Variants in ATP2B2 observed in about 807,000 individuals in gnomAD.
ATP2B2 encodes the protein ATPase plasma membrane Ca2+ transporting 2, also known as plasma membrane calcium-transporting ATPase 2.
ATP2B2 carries 15 observed loss-of-function variants against 120.0 expected under a neutral mutation model. The ratio of observed to expected loss-of-function variants is 0.12; its 90% CI spans 0.08 to 0.19. The LOEUF is 0.19. ATP2B2 is among the 10% of genes least tolerant of loss of function. The pLI, the probability that ATP2B2 is intolerant of heterozygous loss-of-function variation, is 1.00. For synonymous variants in ATP2B2, 694 were observed against 700.3 expected, an observed-to-expected ratio of 0.99 and a Z score of 0.14; for missense variants, 1,045 against 1,719.8, an observed-to-expected ratio of 0.61 and a Z score of 6.94.
At chr3:10,638,145 T>C (rs1427975149) in intron 1 of ATP2B2, among the ~76,000 whole-genome samples, 1 of 152,142 alleles carries the variant, frequency 6.6e-6, no homozygotes, top group African/African-American at 2.4e-5. Flanking sequence ...TTAAAGCAAG[T>C]CTTTCAGACA....
At chr3:10,633,815 G>A (rs966592655) in intron 1 of ATP2B2, among the ~76,000 whole-genome samples, 9 of 152,128 alleles carry the variant, frequency 5.9e-5, no homozygotes, top group African/African-American at 2.2e-4. Context: ...AGCCTGTATT[G>A]GCTGTCCCCC....
intron 1 of ATP2B2, among the ~76,000 whole-genome samples, chr3:10,623,352 C>T (rs977362086): frequency 2.0e-5 from 3 of 152,188 alleles, no homozygotes; most frequent in Non-Finnish European, 4.4e-5. Flanking sequence ...GCCACCGTGC[C>T]TAATTGGTGA....
At chr3:10,432,454 A>G (rs1241911545) in intron 2 of ATP2B2, among the ~76,000 whole-genome samples, 1 of 152,268 alleles carries the variant, frequency 6.6e-6, no homozygotes, top group African/African-American at 2.4e-5. Flanking sequence ...TGGCAGTTCT[A>G]GATCAAACAG....
At chr3:10,393,257 C>T (rs1317122) in intron 5 of ATP2B2, among the ~76,000 whole-genome samples, 47,612 of 152,032 alleles carry the variant, frequency 0.31, 8,262 homozygotes, top group East Asian at 0.69. Flanking sequence ...GCGGGCGGGC[C>T]GGGCCAAAGC....
chr3:10,432,174 C>T (rs2063336261), intron 2 of ATP2B2, among the ~76,000 whole-genome samples: 1 of 152,360 alleles, frequency 6.6e-6, no homozygotes, highest in South Asian at 2.1e-4. Context: ...CAGTGCATGG[C>T]CTCGGGCACA....
chr3:10,631,441 C>A (rs565407130), intron 1 of ATP2B2, among the ~76,000 whole-genome samples: 71 of 152,358 alleles, frequency 4.7e-4, no homozygotes, highest in African/African-American at 1.5e-3. Flanking sequence ...GGTGACATGA[C>A]TTGCTCAAGG....
In ATP2B2 at chr3:10,375,473, C is replaced by T; in HGVS notation, c.1373G>A (p.Gly458Glu). 1 of 1,613,094 alleles carries T rather than the reference C, an allele frequency of 6.2e-7. No individual in the cohort carries two copies. Among genetic ancestry groups the T allele is most frequent in the Non-Finnish European group, 8.5e-7 (1 of 1,179,966 alleles). The change falls in exon 11 of 23, where the codon GGG (glycine) becomes GAG (glutamate). Residue 458 changes from glycine to glutamate, a missense_variant. Physicochemically the swap from Gly to Glu is moderately conservative, Grantham distance 98. Around this residue, in one of 11 missense-constraint regions of ATP2B2, gnomAD observed 343 missense variants for 536.8 expected, o/e 0.64. Coordinates refer to ENST00000360273, the MANE Select transcript of ATP2B2 (RefSeq NM_001001331.4). This position sits in a 1 kb window ranked among gnomAD's most constrained non-coding sequence, Gnocchi z 4.2. The stretch of plus-strand genomic sequence containing the variant: ...CGAGATGGTGACGGCCAGAGGGAGC[C>T]CCTCGGGCACGGCGACCACCAGCAC... Reference protein sequence around the residue: ...VTVLVVAVPEGLPLAVTISLA... With the variant: ...VTVLVVAVPEELPLAVTISLA...
intron 1 of ATP2B2, among the ~76,000 whole-genome samples, chr3:10,688,103 C>T (rs1034716996): frequency 2.0e-4 from 30 of 152,250 alleles, no homozygotes; most frequent in Admixed American, 1.8e-3. Context: ...TTTCCATTTT[C>T]CAGGTGAGAA....
intron 1 of ATP2B2, among the ~76,000 whole-genome samples, chr3:10,466,970 G>T (rs2064770989): frequency 6.6e-6 from 1 of 152,202 alleles, no homozygotes; most frequent in Non-Finnish European, 1.5e-5. Flanking sequence ...CATTGGGCAA[G>T]CCTGGTAATG....
intron 1 of ATP2B2, among the ~76,000 whole-genome samples, chr3:10,494,284 C>T (rs1202990274): frequency 6.6e-6 from 1 of 152,190 alleles, no homozygotes; most frequent in African/African-American, 2.4e-5. Context: ...GATTCCCTTG[C>T]ATCAGGCATG....
At chr3:10,379,114 C>G in intron 9 of ATP2B2, 129 bp downstream of exon 9, 2 of 1,118,098 alleles carry the variant, frequency 1.8e-6, no homozygotes, top group South Asian at 2.6e-5. Flanking sequence ...CCCCCAAGGT[C>G]GTCAGACACC....
intron 2 of ATP2B2, among the ~76,000 whole-genome samples, chr3:10,574,397 A>G (rs1202702151): frequency 6.6e-6 from 1 of 152,098 alleles, no homozygotes; most frequent in Non-Finnish European, 1.5e-5. Flanking sequence ...CTTTCCCTAG[A>G]GCAGAATCAT....
chr3:10,511,570 G>A (rs775339187), intron 3 of ATP2B2, among the ~76,000 whole-genome samples: 5 of 152,160 alleles, frequency 3.3e-5, no homozygotes, highest in Admixed American at 1.3e-4. Context: ...TTCCTGAGCT[G>A]TCAATGAATG....
chr3:10,426,872 T>A (rs1170421844), intron 2 of ATP2B2, among the ~76,000 whole-genome samples: 2 of 9,344 alleles, frequency 2.1e-4, no homozygotes, highest in African/African-American at 4.8e-4. Flanking sequence ...GAGGGTGGGG[T>A]GGGGGTGGGG....
chr3:10,523,000 A>T (rs1352536565), intron 3 of ATP2B2, among the ~76,000 whole-genome samples: 3 of 152,224 alleles, frequency 2.0e-5, no homozygotes, highest in Non-Finnish European at 4.4e-5. Flanking sequence ...TCCACAGCTG[A>T]TAGATGCACT....
intron 5 of ATP2B2, among the ~76,000 whole-genome samples, chr3:10,398,563 T>A (rs9872350): frequency 6.6e-6 from 1 of 152,064 alleles, no homozygotes; most frequent in Non-Finnish European, 1.5e-5. Context: ...TGCTGAGACA[T>A]GGAATGCCTT....
intron 2 of ATP2B2, among the ~76,000 whole-genome samples, chr3:10,535,723 T>C (rs2067300333): frequency 6.6e-6 from 1 of 152,178 alleles, no homozygotes; most frequent in South Asian, 2.1e-4. Flanking sequence ...TATTGTTGGG[T>C]AGTATTCCCT....
upstream of ATP2B2, among the ~76,000 whole-genome samples, chr3:10,508,217 A>G (rs1318360817): frequency 1.3e-5 from 2 of 152,170 alleles, no homozygotes; most frequent in East Asian, 3.9e-4. Context: ...GGCAGTGCAA[A>G]TATTGAACAG....
chr3:10,513,748 C>T (rs1298890297), intron 3 of ATP2B2, among the ~76,000 whole-genome samples: 3 of 152,062 alleles, frequency 2.0e-5, no homozygotes, highest in Non-Finnish European at 4.4e-5. Context: ...TGAGGGGGCA[C>T]CCTGGCATAA....
Sources: gnomAD v4.1 joint callset for allele counts (sites outside exome capture counted in the v4.1 genomes callset) on GRCh38, gnomAD v4.1.1 for gene constraint, gnomAD v4.1.1 regional missense constraint, Gnocchi (gnomAD v3.1) non-coding constraint, MANE v1.5 for transcripts, NCBI Gene and HGNC (gene_info 2026-07-23, HGNC 2026-07-21) for gene names.